CDH4: variants seen among roughly 807,000 people sequenced by gnomAD.
The protein encoded by CDH4 is cadherin-4.
In CDH4, 33 loss-of-function variants were observed where a neutral mutation model predicts 86.0. The ratio of observed to expected loss-of-function variants is 0.38; its 90% CI spans 0.29 to 0.51. CDH4 has a LOEUF of 0.51. Ranked by LOEUF, CDH4 falls within the 20% of genes least tolerant of loss-of-function variation. CDH4 has a pLI of 0.86. For synonymous variants in CDH4, 555 were observed against 549.4 expected (o/e 1.01, Z -0.14); for missense variants, 1,114 against 1,307.4 (o/e 0.85, Z 2.28).
chr20:61,355,959 A>G lies in CDH4; in HGVS notation c.169+101022A>G, dbSNP rs922040353. Among the ~76,000 whole-genome samples, 4 of 152,250 alleles carry G rather than the reference A, an allele frequency of 2.6e-5. No individual in the cohort carries two copies. In the South Asian group the frequency reaches 8.3e-4, roughly 32 times the overall value. On this transcript the variant is annotated intron_variant, in intron 2 of 15. Coordinates refer to ENST00000614565, the MANE Select transcript of CDH4 (RefSeq NM_001794.5). ...TTCTGGAAATGATCAAGTTGTCAAG[A>G]GAGCATGTTATGGGGTTTCGGATGC...
rs1172620589 is a variant in CDH4 at position 61,671,368 on chromosome 20, C to T, written c.170-72195C>T. On this transcript the variant is annotated intron_variant, in intron 2 of 15. Coordinates refer to ENST00000614565, the MANE Select transcript of CDH4 (RefSeq NM_001794.5). ...AAAATTAGCTGGGCACAGTGGCACA[C>T]ACCTGTAGTCCTAGCTACTTGGGAA... Among the ~76,000 whole-genome samples, 3 of 152,158 alleles carry T rather than the reference C, an allele frequency of 2.0e-5. 1 individual carries two copies. The highest frequency in any genetic ancestry group is 2.0e-4 in the Admixed American group (3 of 15,272).
intron 2 of CDH4, chr20:61,499,289 C>T (rs182187086): frequency 2.5e-6 from 1 of 405,286 alleles, no homozygotes; most frequent in African/African-American, 2.1e-5. Flanking sequence ...AGCCCCGGAC[C>T]TTCATGCTGC....
At chr20:61,729,605 T>G (rs2088154726) in intron 2 of CDH4, among the ~76,000 whole-genome samples, 1 of 152,256 alleles carries the variant, frequency 6.6e-6, no homozygotes, top group Non-Finnish European at 1.5e-5. Context: ...TGGCAGAGTC[T>G]CTGGTTTGCA....
chr20:61,926,025 C>T lies in CDH4; in HGVS notation c.1771+1549C>T, dbSNP rs779083910. Among the ~76,000 whole-genome samples the T allele has an allele frequency of 5.9e-5, 9 of 152,064 alleles. No homozygotes were observed. The East Asian group carries it at 9.6e-4, about 16-fold the overall frequency. ...TGATCCCAGACAAAATGTAGGACTCCGATTATTTTATTAAAAGGAAACAGA... is the reference window on the plus strand; with the variant it reads ...TGATCCCAGACAAAATGTAGGACTCTGATTATTTTATTAAAAGGAAACAGA... On this transcript the variant is annotated intron_variant, in intron 11 of 15. Coordinates refer to ENST00000614565, the MANE Select transcript of CDH4 (RefSeq NM_001794.5).
rs1253841412 is a variant in CDH4 at position 61,501,168 on chromosome 20, C to T, written c.170-242395C>T. Among the ~76,000 whole-genome samples the T allele has an allele frequency of 6.6e-6, 1 of 152,192 alleles. No homozygotes were observed. The highest frequency in any genetic ancestry group is 1.5e-5 in the Non-Finnish European group (1 of 68,042). On this transcript the variant is annotated intron_variant, in intron 2 of 15. Transcript: ENST00000614565. The surrounding 1 kb of genome is among the most constrained non-coding windows in gnomAD (Gnocchi z 4.2). ...CCACATCCGCTCCTGCTCTGAGCTA[C>T]AATAGACTCAGGCTGGGGGAGGTGG... is the stretch of plus-strand genomic sequence containing the variant.
intron 3 of CDH4, among the ~76,000 whole-genome samples, chr20:61,760,946 T>C (rs6061349): frequency 0.36 from 55,435 of 152,116 alleles, 10,779 homozygotes; most frequent in African/African-American, 0.49. Flanking sequence ...ATGTAGATAT[T>C]GTTCTGTTGT....
rs1260696591 is a variant in CDH4 at position 61,634,411 on chromosome 20, TCACCCCACACAG to T, written c.170-109141_170-109130del. Among the ~76,000 whole-genome samples the T allele has an allele frequency of 5.9e-5, 9 of 152,138 alleles. 1 individual carries two copies. Among genetic ancestry groups the T allele is most frequent in the Admixed American group, 5.2e-4 (8 of 15,280 alleles). On this transcript the variant is annotated intron_variant, in intron 2 of 15. Transcript: ENST00000614565. ...CCACGACAGCTCAGGCAGAGAGCAG[TCACCCCACACAG>T]CACCCCACACCGGTGACCCTGACTT...
chr20:61,592,964 T>G (rs939731188), intron 2 of CDH4, among the ~76,000 whole-genome samples: 1 of 152,070 alleles, frequency 6.6e-6, no homozygotes, highest in African/African-American at 2.4e-5. Context: ...CCGGGTTACC[T>G]GGGTGGGCCC....
At chr20:61,813,335 T>C (rs998575522) in intron 4 of CDH4, among the ~76,000 whole-genome samples, 1 of 152,126 alleles carries the variant, frequency 6.6e-6, no homozygotes, top group African/African-American at 2.4e-5. Flanking sequence ...TGGAGTAATG[T>C]ACTTAGCTAC....
intron 4 of CDH4, among the ~76,000 whole-genome samples, chr20:61,818,133 G>A (rs549805934): frequency 1.1e-3 from 173 of 152,156 alleles, no homozygotes; most frequent in African/African-American, 4.0e-3. Flanking sequence ...GGGTTCAAGC[G>A]ATTCTCCTGC....
intron 2 of CDH4, among the ~76,000 whole-genome samples, chr20:61,622,246 T>C (rs1382164212): frequency 1.3e-5 from 2 of 152,260 alleles, no homozygotes; most frequent in South Asian, 2.1e-4. Flanking sequence ...CATGTGTTTA[T>C]GGAGTAATGT....
intron 2 of CDH4, among the ~76,000 whole-genome samples, chr20:61,376,116 G>GTGC (rs2145440602): frequency 8.9e-6 from 1 of 112,016 alleles, no homozygotes; most frequent in South Asian, 3.1e-4. Flanking sequence ...TGGTGGAGTG[G>GTGC]TGGTGGTGAT....
rs558346619 is a variant in CDH4, at chr20:61,879,950, G to A, written c.1050+6050G>A. Among the ~76,000 whole-genome samples the A allele has an allele frequency of 3.9e-5, 6 of 152,230 alleles. No individual in the cohort carries two copies. The highest frequency in any genetic ancestry group is 1.2e-4 in the African/African-American group (5 of 41,532). On this transcript the variant is annotated intron_variant, in intron 7 of 15. Transcript: ENST00000614565. The surrounding 1 kb of genome is among the most constrained non-coding windows in gnomAD (Gnocchi z 4.1). ...AATTTCTTCCCAAACAAGGGGGGCCGAATTCGTGATCTCCTGGTCTGAAAG... is the reference window on the plus strand; with the variant it reads ...AATTTCTTCCCAAACAAGGGGGGCCAAATTCGTGATCTCCTGGTCTGAAAG...
At chr20:61,873,557 G>A (rs995609109) in intron 6 of CDH4, among the ~76,000 whole-genome samples, 171 bp from the exon 7 acceptor site, 1 of 152,274 alleles carries the variant, frequency 6.6e-6, no homozygotes, top group African/African-American at 2.4e-5. Flanking sequence ...ATAAGGTGGG[G>A]TGGAGGCGGC....
chr20:61,801,754 C>G (rs1979842614), intron 4 of CDH4, among the ~76,000 whole-genome samples: 2 of 152,242 alleles, frequency 1.3e-5, no homozygotes. Context: ...CCTCCAGCCT[C>G]TCTCTGCTTT....
chr20:61,525,772 C>T (rs771943104), intron 2 of CDH4, among the ~76,000 whole-genome samples: 6 of 152,206 alleles, frequency 3.9e-5, no homozygotes, highest in East Asian at 1.9e-4. Flanking sequence ...CAGACCCCTG[C>T]GGCTGCCCCT....
chr20:61,817,477 C>T (rs1196162331), intron 4 of CDH4, among the ~76,000 whole-genome samples: 9 of 152,274 alleles, frequency 5.9e-5, no homozygotes, highest in East Asian at 3.9e-4. Context: ...CCACACAAGA[C>T]GCGGAAAGCA....
intron 2 of CDH4, among the ~76,000 whole-genome samples, chr20:61,528,466 A>AAGGGAGGGGAGGGGGGCGGG (rs2085928577): frequency 1.2e-4 from 1 of 8,172 alleles, no homozygotes; most frequent in African/African-American, 4.7e-4. Flanking sequence ...GGGGAGAGGG[A>AAGGGAGGGGAGGGGGGCGGG]GGGGGAGGGG....
rs1568892584 is a variant in CDH4 at position 61,559,514 on chromosome 20, T to TTTTC, written c.170-184046_170-184045insCTTT. Among the ~76,000 whole-genome samples, 10 of 128,858 alleles carry TTTTC rather than the reference T, an allele frequency of 7.8e-5. No individual in the cohort carries two copies. The East Asian group carries it at 1.1e-3, about 14-fold the overall frequency. 84.5% of individuals were successfully genotyped at this position (128,858 alleles called of 152,430 possible). ...TAGAGTCTCCTTTCTTTTTAATTTTTTTTTCTTTTTTTTTTTTTTTTTTTG... is the reference window on the plus strand; with the variant it reads ...TAGAGTCTCCTTTCTTTTTAATTTTTTTTCTTTTCTTTTTTTTTTTTTTTTTTTG... On this transcript the variant is annotated intron_variant, in intron 2 of 15. Coordinates refer to ENST00000614565, the MANE Select transcript of CDH4 (RefSeq NM_001794.5).
Sources: allele counts gnomAD v4.1 joint callset (sites outside exome capture counted in the v4.1 genomes callset), GRCh38; gene constraint gnomAD v4.1.1; non-coding constraint Gnocchi (gnomAD v3.1); transcripts MANE v1.5; gene names NCBI Gene and HGNC (gene_info 2026-07-23, HGNC 2026-07-21).